The following ZNF730 variants were observed in gnomAD, a reference collection of about 807,000 sequenced individuals.
ZNF730 encodes the protein putative zinc finger protein 730.
In ZNF730, 12 loss-of-function variants were observed where a neutral mutation model predicts 12.6. The ratio of observed to expected loss-of-function variants is 0.95; its 90% CI spans 0.61 to 1.54. The LOEUF (loss-of-function observed/expected upper bound fraction) is 1.54. Ranked by LOEUF, ZNF730 falls within the 40% of genes most tolerant of loss-of-function variation. The pLI is 0.00. For missense variants in ZNF730, 643 were observed against 583.5 expected, an observed-to-expected ratio of 1.10 and a Z score of -1.05; for synonymous variants, 194 against 195.8, an observed-to-expected ratio of 0.99 and a Z score of 0.08.
intron 1 of ZNF730, among the ~76,000 whole-genome samples, chr19:23,091,518 G>A (rs776717570): frequency 3.3e-5 from 5 of 152,182 alleles, no homozygotes; most frequent in Non-Finnish European, 5.9e-5. Flanking sequence ...CAACTGGGAG[G>A]GAAGCTGTTC....
At chr19:23,098,735 C>G (rs908190055) in intron 1 of ZNF730, among the ~76,000 whole-genome samples, 2 of 152,114 alleles carry the variant, frequency 1.3e-5, no homozygotes, top group East Asian at 3.9e-4. Flanking sequence ...TCAGTGCCGT[C>G]AGGGAAAATT....
chr19:23,102,003 G>T (rs76460835), intron 1 of ZNF730, among the ~76,000 whole-genome samples: 13,708 of 152,148 alleles, frequency 0.09, 842 homozygotes, highest in Non-Finnish European at 0.12. Context: ...TAACTATTTT[G>T]CATGTTAGGA....
At chr19:23,104,176 C>G (rs1432859015) in intron 1 of ZNF730, among the ~76,000 whole-genome samples, 1 of 151,930 alleles carries the variant, frequency 6.6e-6, no homozygotes, top group Non-Finnish European at 1.5e-5. Flanking sequence ...GTGGCTGGCA[C>G]CTCTAGTCTC....
rs545706138 is a variant in ZNF730, at chr19:23,089,955, C to T, written c.-94+14568C>T. 2.3e-3 allele frequency among the ~76,000 whole-genome samples: 347 copies of T among 152,050 alleles called. 3 individuals are homozygous for T. The highest frequency in any genetic ancestry group is 2.6e-3 in the Non-Finnish European group (179 of 67,940). ...TGATAGTGATATGAACAATAAGATT[C>T]CAGCTGAGAGGGCTGGGCACAGTGG... On this transcript the variant is annotated intron_variant, in intron 1 of 2. Coordinates refer to the ZNF730 transcript ENST00000593635.
chr19:23,136,002 C>A lies in ZNF730; in HGVS notation c.185C>A (p.Pro62His), dbSNP rs1221759722. The A allele has an allele frequency of 2.5e-6, 4 of 1,608,706 alleles. No individual in the cohort carries two copies. In the East Asian group the frequency reaches 9.0e-5, roughly 36 times the overall value. ...LITCLEQEKEPWNLKTHDMVA... is the reference protein window; with the variant it reads ...LITCLEQEKEHWNLKTHDMVA... Reference sequence around the variant, plus strand: ...ACCTGTCTGGAGCAAGAAAAAGAGCCTTGGAATTTGAAGACACATGATATG... The same window carrying A: ...ACCTGTCTGGAGCAAGAAAAAGAGCATTGGAATTTGAAGACACATGATATG... Residue 62 changes from proline to histidine, a missense_variant, in exon 3 of 4, where the codon CCT becomes CAT. Coordinates refer to ENST00000597761, the MANE Select transcript of ZNF730 (RefSeq NM_001277403.2).
chr19:23,080,043 T>C (rs1969936967), intron 1 of ZNF730, among the ~76,000 whole-genome samples: 1 of 151,962 alleles, frequency 6.6e-6, no homozygotes. Context: ...CTTCCTGGGT[T>C]CAAGCAATTC....
At chr19:23,135,420 C>A (rs1970814674) in intron 2 of ZNF730, among the ~76,000 whole-genome samples, 2 of 151,442 alleles carry the variant, frequency 1.3e-5, no homozygotes, top group South Asian at 4.2e-4. Flanking sequence ...AATTTAATCA[C>A]CATCACCAAT....
chr19:23,106,519 T>TTTTG (rs1485474058), intron 1 of ZNF730, among the ~76,000 whole-genome samples: 1 of 152,102 alleles, frequency 6.6e-6, no homozygotes, highest in Non-Finnish European at 1.5e-5. Context: ...AGGCCAGGCA[T>TTTTG]GGTTGCTCAT....
chr19:23,090,168 C>T (rs1376934934), intron 1 of ZNF730, among the ~76,000 whole-genome samples: 1 of 152,026 alleles, frequency 6.6e-6, no homozygotes, highest in Non-Finnish European at 1.5e-5. Context: ...ATTGTTTGAA[C>T]CCGAGAGGCG....
chr19:23,126,526 T>G, intron 1 of ZNF730: 1 of 393,302 alleles, frequency 2.5e-6, no homozygotes, highest in Admixed American at 3.2e-5. Context: ...AAAATAAAAT[T>G]TGAAGGAAGG....
In ZNF730 at chr19:23,145,881, T is replaced by C. The variant is rs1472117740; in HGVS notation, c.837T>C (p.Thr279=). 1 of 1,610,530 alleles carries C rather than the reference T, an allele frequency of 6.2e-7. No individual in the cohort carries two copies. The highest frequency in any genetic ancestry group is 8.5e-7 in the Non-Finnish European group (1 of 1,179,526). The change falls in exon 4 of 4, where the codon ACT becomes ACC. Residue 279 remains threonine, a synonymous_variant. Transcript: ENST00000597761. ...TNLTTHKRIH[T]GEKPYKCEEC... is the part of the protein sequence containing the mutation. Reference sequence around the variant, plus strand: ...TTACTACACATAAAAGAATTCATACTGGAGAGAAACCCTATAAATGTGAAG... The same window carrying C: ...TTACTACACATAAAAGAATTCATACCGGAGAGAAACCCTATAAATGTGAAG...
intron 1 of ZNF730, among the ~76,000 whole-genome samples, chr19:23,110,597 A>C (rs531450164): frequency 2.6e-4 from 39 of 152,300 alleles, no homozygotes; most frequent in African/African-American, 9.4e-4. Context: ...TAACCATTTT[A>C]AGTCATTTCC....
Position 23,145,531 on chromosome 19 carries a change from CATAAG to C in ZNF730, c.494_498del (p.Ile165ThrfsTer10), listed in dbSNP as rs765829830. 86 of 1,557,754 alleles carry C rather than the reference CATAAG, an allele frequency of 5.5e-5. No homozygotes were observed. Among genetic ancestry groups the C allele is most frequent in the Middle Eastern group, 3.4e-4 (2 of 5,968 alleles). On this transcript the variant is annotated frameshift_variant, in exon 4 of 4. Transcript: ENST00000597761. LOFTEE classifies it low-confidence loss of function (END_TRUNC). ...TCATAAATTTTCAAATTCAAACAGA[CATAAG>C]ATAAGACATACTTCGAAGAAACCTT...
chr19:23,142,425 T>C (rs1480658769), intron 3 of ZNF730, among the ~76,000 whole-genome samples: 2 of 149,218 alleles, frequency 1.3e-5, no homozygotes, highest in East Asian at 2.0e-4. Flanking sequence ...GGCTCACTCC[T>C]GTAATCCCAG....
intron 1 of ZNF730, chr19:23,126,854 C>T (rs1970677770): frequency 1.9e-6 from 1 of 533,134 alleles, no homozygotes; most frequent in South Asian, 1.5e-5. Context: ...CCAGTAGTGA[C>T]CTAGACCTTC....
In ZNF730 at chr19:23,134,616, C is replaced by T. The variant is rs894873954; in HGVS notation, c.130+410C>T. Among the ~76,000 whole-genome samples the T allele has an allele frequency of 6.5e-4, 96 of 147,500 alleles. 1 individual carries two copies. The highest frequency in any genetic ancestry group is 1.1e-3 in the Admixed American group (17 of 15,020). On this transcript the variant is annotated intron_variant, in intron 2 of 3. Coordinates refer to ENST00000597761, the MANE Select transcript of ZNF730 (RefSeq NM_001277403.2). ...GAGGGTGGGGGGGGGGGTCAGCCCC[C>T]CGCCCGGCCAGCCGCCCCATCCAGG... is the stretch of plus-strand genomic sequence containing the variant.
At chr19:23,087,246 A>G (rs981406834) in intron 1 of ZNF730, among the ~76,000 whole-genome samples, 50 of 152,098 alleles carry the variant, frequency 3.3e-4, no homozygotes, top group Admixed American at 3.3e-4. Context: ...TGTCTCTACT[A>G]AAATTACAAA....
upstream of ZNF730, among the ~76,000 whole-genome samples, chr19:23,112,985 T>G (rs909172524): frequency 6.6e-6 from 1 of 152,234 alleles, no homozygotes; most frequent in African/African-American, 2.4e-5. Flanking sequence ...TCCCCTATCA[T>G]AGGGCTTTAT....
At chr19:23,127,509 G>A (rs1293010602) in intron 1 of ZNF730, 6 of 946,860 alleles carry the variant, frequency 6.3e-6, no homozygotes, top group South Asian at 1.3e-5. Flanking sequence ...TCAGCTCTTG[G>A]TGGTGCTGGT....
Sources: allele counts gnomAD v4.1 joint callset (sites outside exome capture counted in the v4.1 genomes callset), GRCh38; gene constraint gnomAD v4.1.1; transcripts MANE v1.5; gene names NCBI Gene and HGNC (gene_info 2026-07-23, HGNC 2026-07-21).